PRKCB: variants seen among roughly 807,000 people sequenced by gnomAD.
PRKCB encodes the protein protein kinase C beta.
A neutral mutation model predicts 81.5 loss-of-function variants in PRKCB; 13 were observed. The ratio of observed to expected loss-of-function variants is 0.16; its 90% confidence interval spans 0.10 to 0.25. PRKCB has a LOEUF of 0.25. PRKCB is among the 10% of genes least tolerant of loss of function. The pLI is 1.00. For missense variants in PRKCB, 509 were observed against 875.7 expected, an observed-to-expected ratio of 0.58 and a Z score of 5.29; for synonymous variants, 335 against 321.4, an observed-to-expected ratio of 1.04 and a Z score of -0.45.
chr16:23,938,044 A>G (rs914283116), intron 2 of PRKCB, among the ~76,000 whole-genome samples: 1 of 152,168 alleles, frequency 6.6e-6, no homozygotes, highest in Admixed American at 6.5e-5. Context: ...GCTTGCTAAA[A>G]TCCCAGTGCT....
chr16:23,988,378 G>T (rs936425355), intron 2 of PRKCB, 130 bp from the exon 3 acceptor site: 2 of 674,698 alleles, frequency 3.0e-6, no homozygotes, highest in Middle Eastern at 8.3e-4. Flanking sequence ...TGACATTATT[G>T]TTTATTTTGG....
At position 24,042,300 on chromosome 16, in the gene PRKCB, T is replaced by A. The variant is rs1032787706; in HGVS notation, c.529+6753T>A. Among the ~76,000 whole-genome samples the A allele has an allele frequency of 2.5e-4, 38 of 152,146 alleles. 1 individual carries two copies. The highest frequency in any genetic ancestry group is 1.5e-5 in the Non-Finnish European group (1 of 68,024). On this transcript the variant is annotated intron_variant, in intron 5 of 16. Coordinates refer to ENST00000643927, the MANE Select transcript of PRKCB (RefSeq NM_002738.7). The stretch of plus-strand genomic sequence containing the variant: ...CCCAATTTGTGAAACCACAGTACTG[T>A]CATTGCTCATAATGGAAGGTGCAGC...
At position 24,137,842 on chromosome 16, in the gene PRKCB, G is replaced by A. The variant is rs1389347840; in HGVS notation, c.1065+13861G>A. ...TGATAAATATTTTGGATGTACAAAT[G>A]TGGATGGTACCTATGATTATTCATG... is the stretch of plus-strand genomic sequence containing the variant. On this transcript the variant is annotated intron_variant, in intron 9 of 16. Transcript: ENST00000643927. Among the ~76,000 whole-genome samples, 4 of 152,300 alleles carry A rather than the reference G, an allele frequency of 2.6e-5. No homozygotes were observed. The East Asian group carries it at 7.7e-4, about 29-fold the overall frequency.
At chr16:24,178,885 G>T (rs1046948122) in intron 12 of PRKCB, among the ~76,000 whole-genome samples, 1 of 152,186 alleles carries the variant, frequency 6.6e-6, no homozygotes, top group African/African-American at 2.4e-5. Flanking sequence ...TAGGTTAAAA[G>T]AGGCATTTAT....
At chr16:23,923,283 C>T (rs974025347) in intron 2 of PRKCB, among the ~76,000 whole-genome samples, 6 of 152,000 alleles carry the variant, frequency 3.9e-5, no homozygotes, top group Non-Finnish European at 5.9e-5. Flanking sequence ...TATTCCATCT[C>T]TGCTTATGTA....
intron 2 of PRKCB, among the ~76,000 whole-genome samples, chr16:23,838,484 C>T (rs1486007251): frequency 1.3e-5 from 2 of 152,144 alleles, no homozygotes; most frequent in Non-Finnish European, 2.9e-5. Flanking sequence ...ATTTTTCACT[C>T]TTGGGCTTGG....
intron 5 of PRKCB, among the ~76,000 whole-genome samples, chr16:24,059,477 G>A (rs2141876220): frequency 6.6e-6 from 1 of 152,076 alleles, no homozygotes; most frequent in Non-Finnish European, 1.5e-5. Flanking sequence ...GGATGATAAA[G>A]GGAGACTCCA....
chr16:23,955,983 G>A (rs1964344654), intron 2 of PRKCB, among the ~76,000 whole-genome samples: 2 of 152,040 alleles, frequency 1.3e-5, no homozygotes, highest in African/African-American at 4.8e-5. Flanking sequence ...CTGTGATGAT[G>A]TATAACTGTG....
intron 3 of PRKCB, among the ~76,000 whole-genome samples, chr16:24,012,407 G>C (rs1256871603): frequency 6.6e-6 from 1 of 152,138 alleles, no homozygotes; most frequent in African/African-American, 2.4e-5. Context: ...TCTAGAGCCT[G>C]CTCTTAGCCA....
intron 2 of PRKCB, among the ~76,000 whole-genome samples, chr16:23,904,735 G>T (rs1963530968): frequency 6.6e-6 from 1 of 152,144 alleles, no homozygotes; most frequent in African/African-American, 2.4e-5. Context: ...AAGTGCTTCA[G>T]TGCTTTATAC....
At chr16:23,983,055 G>T (rs964716874) in intron 2 of PRKCB, among the ~76,000 whole-genome samples, 1 of 151,336 alleles carries the variant, frequency 6.6e-6, no homozygotes, top group Non-Finnish European at 1.5e-5. Context: ...CTGGGTACCT[G>T]TTTGAAAGTA....
intron 2 of PRKCB, among the ~76,000 whole-genome samples, chr16:23,886,415 T>G (rs1438989224): frequency 4.4e-5 from 5 of 113,534 alleles, no homozygotes; most frequent in East Asian, 2.1e-4. Flanking sequence ...TGTTTTTTTT[T>G]TTTTTTTTTT....
intron 2 of PRKCB, among the ~76,000 whole-genome samples, chr16:23,878,507 A>C (rs1019943489): frequency 6.6e-6 from 1 of 152,188 alleles, no homozygotes; most frequent in African/African-American, 2.4e-5. Flanking sequence ...AAAAAGCAGA[A>C]AAATGGGAAA....
At chr16:23,903,184 C>T (rs564606805) in intron 2 of PRKCB, among the ~76,000 whole-genome samples, 5 of 151,872 alleles carry the variant, frequency 3.3e-5, no homozygotes, top group Admixed American at 2.6e-4. Context: ...TAAAGAGCCC[C>T]GCTTTTGTTG....
rs372529055 is a variant in PRKCB at position 23,941,174 on chromosome 16, C to T, written c.206-47334C>T. Among the ~76,000 whole-genome samples, 6 of 152,202 alleles carry T rather than the reference C, an allele frequency of 3.9e-5. No homozygotes were observed. In the South Asian group the frequency reaches 6.2e-4, roughly 16 times the overall value. ...GCTACTATTGTAGCATGAAGGCAGC[C>T]GTGGACAATTTATAAAGAAGTGAGC... On this transcript the variant is annotated intron_variant, in intron 2 of 16. Transcript: ENST00000643927.
intron 2 of PRKCB, among the ~76,000 whole-genome samples, chr16:23,845,133 T>C (rs1962345730): frequency 6.6e-6 from 1 of 152,186 alleles, no homozygotes; most frequent in South Asian, 2.1e-4. Flanking sequence ...TCAAGTTCTA[T>C]TTGTCAGGAA....
intron 2 of PRKCB, among the ~76,000 whole-genome samples, chr16:23,907,695 A>G (rs1567309742): frequency 6.6e-6 from 1 of 152,136 alleles, no homozygotes; most frequent in Non-Finnish European, 1.5e-5. Context: ...AGACCAGAAC[A>G]CCCAGATTTC....
chr16:24,032,055 C>G lies in PRKCB; in HGVS notation c.289-81C>G, dbSNP rs1257532636. ...GACCAAGTTCAGTTCTTGGTGAGTT[C>G]TCCAGTGCCTCTCGATGTAGGATGA... is the stretch of plus-strand genomic sequence containing the variant. On this transcript the variant is annotated intron_variant, in intron 3 of 16. Coordinates refer to ENST00000643927, the MANE Select transcript of PRKCB (RefSeq NM_002738.7). 6.1e-5 allele frequency: 60 copies of G among 991,568 alleles called. No homozygotes were observed. In the Admixed American group the frequency reaches 1.1e-3, roughly 18 times the overall value. The allele number at this position is 991,568 out of a possible 1,614,324, so 61.4% of individuals were successfully genotyped here.
At chr16:24,143,734 T>A (rs1227046387) in intron 9 of PRKCB, among the ~76,000 whole-genome samples, 1 of 152,250 alleles carries the variant, frequency 6.6e-6, no homozygotes, top group Non-Finnish European at 1.5e-5. Context: ...TCTTGAATGA[T>A]GCTCTTCTCC....
Sources: allele counts gnomAD v4.1 joint callset (sites outside exome capture counted in the v4.1 genomes callset), GRCh38; gene constraint gnomAD v4.1.1; transcripts MANE v1.5; gene names NCBI Gene and HGNC (gene_info 2026-07-23, HGNC 2026-07-21).